Variants in ASAH1 observed in about 807,000 individuals in gnomAD.
The protein encoded by ASAH1 is acid ceramidase.
A neutral mutation model predicts 59.5 loss-of-function variants in ASAH1; 70 were observed. The ratio of observed to expected loss-of-function variants is 1.18; its 90% CI spans 0.97 to 1.43. The LOEUF is 1.43. Ranked by LOEUF, ASAH1 falls within the 40% of genes most tolerant of loss-of-function variation. ASAH1 has a pLI of 0.00. For missense variants in ASAH1, 660 were observed against 482.5 expected, an observed-to-expected ratio of 1.37 and a Z score of -3.45; for synonymous variants, 213 against 166.5, an observed-to-expected ratio of 1.28 and a Z score of -2.15.
chr8:18,064,438 T>G lies in ASAH1; in HGVS notation c.457+19A>C. On this transcript the variant is annotated intron_variant, in intron 6 of 13. Coordinates refer to ENST00000637790, the MANE Select transcript of ASAH1 (RefSeq NM_177924.5). ...ATGTAGTGCTTCATGCTGCCCACCC[T>G]CCCTCAGCGCACAATTACCTTTTTT... 2.0e-6 allele frequency: 3 copies of G among 1,515,030 alleles called. No homozygotes were observed. The highest frequency in any genetic ancestry group is 2.7e-6 in the Non-Finnish European group (3 of 1,092,666). 93.8% of individuals were successfully genotyped at this position (1,515,030 alleles called of 1,614,324 possible).
upstream of ASAH1, chr8:18,084,442 G>C (rs1001121064): frequency 5.1e-6 from 7 of 1,360,484 alleles, no homozygotes; most frequent in Admixed American, 5.6e-5. Flanking sequence ...TAGCAGGCGG[G>C]TGCAGCCTGT....
At chr8:18,070,560 T>C (rs1487908406) in intron 3 of ASAH1, among the ~76,000 whole-genome samples, 1 of 152,316 alleles carries the variant, frequency 6.6e-6, no homozygotes, top group African/African-American at 2.4e-5. Context: ...CTGGGATTGA[T>C]TACAGGCATG....
chr8:18,066,634 C>G (rs2117044699), intron 5 of ASAH1: 1 of 152,304 alleles, frequency 6.6e-6, no homozygotes, highest in South Asian at 2.1e-4. Flanking sequence ...TGCTGATTGT[C>G]AACTGCTGGA....
At chr8:18,075,064 C>G (rs910629318) in intron 2 of ASAH1, among the ~76,000 whole-genome samples, 12 of 147,476 alleles carry the variant, frequency 8.1e-5, no homozygotes, top group African/African-American at 3.0e-4. Context: ...GGTGCGATCT[C>G]GGCTCACTGC....
chr8:18,083,338 C>T (rs1800740854), intron 1 of ASAH1: 1 of 153,504 alleles, frequency 6.5e-6, no homozygotes, highest in South Asian at 1.9e-4. Flanking sequence ...GGTCTACTTC[C>T]TCTTCTGTAA....
In ASAH1 at chr8:18,079,660, A is replaced by G. The variant is rs528982051; in HGVS notation, c.79-4073T>C. ...AATACTCAGAAAGAGACAATGAAGG[A>G]TAATCTAAAATTACATACCTCATGT... On this transcript the variant is annotated intron_variant, in intron 1 of 13. Coordinates refer to ENST00000637790, the MANE Select transcript of ASAH1 (RefSeq NM_177924.5). Among the ~76,000 whole-genome samples, 13 of 152,338 alleles carry G rather than the reference A, an allele frequency of 8.5e-5. No homozygotes were observed. The East Asian group carries it at 2.5e-3, about 29-fold the overall frequency.
chr8:18,061,668 T>A lies in ASAH1; in HGVS notation c.703+18A>T, dbSNP rs548897465. ...AAAGCTCTGAGATTCCCATTTCACT[T>A]GAGAATGCTCTACTTACCCAGATAA... On this transcript the variant is annotated intron_variant, in intron 9 of 13. Transcript: ENST00000637790. 5 of 1,582,420 alleles carry A rather than the reference T, an allele frequency of 3.2e-6. No individual in the cohort carries two copies. In the South Asian group the frequency reaches 4.6e-5, roughly 14 times the overall value.
At chr8:18,084,918 A>T (rs73198081), upstream of ASAH1, 38,132 of 1,442,504 alleles carry the variant, frequency 0.026, 607 homozygotes, top group Non-Finnish European at 0.032. Context: ...CTTTCGTGCC[A>T]TCCGTGGACA....
Position 18,064,518 on chromosome 8 carries a change from T to A in ASAH1, c.396A>T (p.Ser132=). 6.5e-7 allele frequency: 1 copy of A among 1,539,618 alleles called. No individual in the cohort carries two copies. The highest frequency in any genetic ancestry group is 8.9e-7 in the Non-Finnish European group (1 of 1,117,806). Residue 132 remains serine (S), a synonymous_variant, in exon 6 of 14, where the codon TCA becomes TCT. Coordinates refer to ENST00000637790, the MANE Select transcript of ASAH1 (RefSeq NM_177924.5). ...TAAATAATTCATAAAAAATATTGAATGAAATAATCTCTCCTATGAGAAAAG... is the reference window on the plus strand; with the variant it reads ...TAAATAATTCATAAAAAATATTGAAAGAAATAATCTCTCCTATGAGAAAAG... ...VTDIPLGEII[S]FNIFYELFTI...
At chr8:18,059,056 T>A in intron 12 of ASAH1, 165 bp from the exon 13 acceptor site, 1 of 698,860 alleles carries the variant, frequency 1.4e-6, no homozygotes, top group Non-Finnish European at 2.4e-6. Context: ...CAGGTAACAG[T>A]TTTAATGGAT....
Position 18,061,452 on chromosome 8 carries a change from A to G in ASAH1, c.710T>C (p.Leu237Pro), listed in dbSNP as rs757993376. 6.2e-7 allele frequency: 1 copy of G among 1,611,452 alleles called. No homozygotes were observed. Among genetic ancestry groups the G allele is most frequent in the South Asian group, 1.1e-5 (1 of 91,036 alleles). The part of the protein sequence containing the change: ...FSINGGYLGI[L>P]EWILGKKDVM... The stretch of plus-strand genomic sequence containing the variant: ...ATCTTTCTTTCCCAGAATCCATTCT[A>G]GAATACCTGGAAGAGATGAACACAA... The change falls in exon 10 of 14, where the codon CTA (leucine) becomes CCA (proline). Residue 237 changes from leucine (L) to proline (P), a missense_variant. Coordinates refer to ENST00000637790, the MANE Select transcript of ASAH1 (RefSeq NM_177924.5).
chr8:18,067,146 T>TCTA, intron 5 of ASAH1, 74 bp downstream of exon 5: 3 of 1,261,318 alleles, frequency 2.4e-6, no homozygotes, highest in Non-Finnish European at 3.4e-6. Context: ...GTGCTGTATG[T>TCTA]ATATCACACC....
chr8:18,063,326 CAG>C (rs1466260060), intron 6 of ASAH1, 96 bp from the exon 7 acceptor site: 8 of 1,217,950 alleles, frequency 6.6e-6, no homozygotes, highest in African/African-American at 1.5e-5. Flanking sequence ...ATTTTTGAGA[CAG>C]AGTCTCGTTC....
chr8:18,057,532 G>A lies in ASAH1; in HGVS notation c.*2C>T, dbSNP rs372186704. 7.5e-6 allele frequency: 12 copies of A among 1,594,156 alleles called. No individual in the cohort carries two copies. The highest frequency in any genetic ancestry group is 5.0e-5 in the Admixed American group (3 of 59,492). On this transcript the variant is annotated 3_prime_UTR_variant, in exon 14 of 14. Transcript: ENST00000637790. Reference sequence around the variant, plus strand: ...GCCGCATTCTGTAGGCCAGACGTGTGCTCACCAACCTATACAAGGGTCAGG... The same window carrying A: ...GCCGCATTCTGTAGGCCAGACGTGTACTCACCAACCTATACAAGGGTCAGG...
At chr8:18,059,025 T>C in intron 12 of ASAH1, 134 bp from the exon 13 acceptor site, 1 of 811,594 alleles carries the variant, frequency 1.2e-6, no homozygotes, top group Non-Finnish European at 2.0e-6. Flanking sequence ...GGAGTTTCTG[T>C]GGGAGTCACT....
intron 2 of ASAH1, among the ~76,000 whole-genome samples, chr8:18,071,725 T>C (rs1192867420): frequency 1.3e-5 from 2 of 151,950 alleles, no homozygotes; most frequent in Non-Finnish European, 1.5e-5. Flanking sequence ...CTCCTAAATA[T>C]CTGCAAAGAT....
chr8:18,076,690 A>G (rs541167774), intron 1 of ASAH1: 1 of 152,282 alleles, frequency 6.6e-6, no homozygotes, highest in East Asian at 1.9e-4. Flanking sequence ...AAACTCTTGG[A>G]ACTGTAGCTT....
At chr8:18,066,005 G>GAT (rs1241598555) in intron 5 of ASAH1, 2 of 151,520 alleles carry the variant, frequency 1.3e-5, no homozygotes, top group Admixed American at 1.3e-4. Flanking sequence ...TAACTAACTG[G>GAT]ATATACCACA....
chr8:18,081,675 C>T (rs1423562408), intron 1 of ASAH1, among the ~76,000 whole-genome samples: 1 of 152,174 alleles, frequency 6.6e-6, no homozygotes, highest in East Asian at 1.9e-4. Flanking sequence ...CACAAAAAAT[C>T]CTTACAGATG....
Sources: allele counts gnomAD v4.1 joint callset (sites outside exome capture counted in the v4.1 genomes callset), GRCh38; gene constraint gnomAD v4.1.1; transcripts MANE v1.5; gene names NCBI Gene and HGNC (gene_info 2026-07-23, HGNC 2026-07-21).